Variants in ZSCAN1 observed in about 807,000 individuals in gnomAD.
ZSCAN1 encodes the protein zinc finger and SCAN domain-containing protein 1.
Under a neutral mutation model 23.8 loss-of-function variants are expected in ZSCAN1, and 23 were observed. That is an observed-to-expected ratio of 0.97 (90% confidence interval 0.70 to 1.37). The LOEUF is 1.37. Ranked by LOEUF, ZSCAN1 falls within the 40% of genes most tolerant of loss-of-function variation. The probability of loss-of-function intolerance (pLI) is 0.00; values close to 1 mark genes in which losing one functional copy is unlikely to be tolerated. For synonymous variants in ZSCAN1, 236 were observed against 232.3 expected (o/e 1.02, Z -0.15); for missense variants, 575 against 554.0 (o/e 1.04, Z -0.38).
Position 58,037,937 on chromosome 19 carries a change from C to A in ZSCAN1, c.101C>A (p.Thr34Asn). Residue 34 changes from threonine to asparagine, a missense_variant, in exon 3 of 6, where the codon ACC becomes AAC. Physicochemically the swap from Thr to Asn is moderately conservative, Grantham distance 65. Transcript: ENST00000282326. ...ADPGPASPRD[T>N]EAQRLRFRQF... is the part of the protein sequence containing the mutation. ...CCTGGGCCAGCAAGCCCCAGGGACA[C>A]CGAAGCCCAGCGTCTGCGCTTCCGG... The A allele has an allele frequency of 6.2e-7, 1 of 1,603,032 alleles. No individual in the cohort carries two copies. The highest frequency in any genetic ancestry group is 2.2e-5 in the East Asian group (1 of 44,822).
At chr19:58,041,858 AGAGT>A (rs999813176) in intron 4 of ZSCAN1, among the ~76,000 whole-genome samples, 56 of 152,182 alleles carry the variant, frequency 3.7e-4, no homozygotes, top group African/African-American at 1.3e-3. Context: ...CCTGGATGAC[AGAGT>A]GAGACCCTAA....
At chr19:58,036,199 A>G (rs1053544457) in intron 2 of ZSCAN1, among the ~76,000 whole-genome samples, 188 bp downstream of exon 2, 4 of 152,096 alleles carry the variant, frequency 2.6e-5, no homozygotes, top group African/African-American at 7.2e-5. Context: ...CTCCCATCAC[A>G]TGATGGGGGA....
At position 58,041,574 on chromosome 19, in the gene ZSCAN1, G is replaced by A. The variant is rs541048704; in HGVS notation, c.465+1030G>A. On this transcript the variant is annotated intron_variant, in intron 4 of 5. Transcript: ENST00000282326. ...ACTGGCTTAGTCCGTTCTGGGTGCT[G>A]TAACAAAATACGGCTGGGTGTGGTG... 2.6e-5 allele frequency among the ~76,000 whole-genome samples: 4 copies of A among 152,342 alleles called. No individual in the cohort carries two copies. In the South Asian group the frequency reaches 8.3e-4, roughly 32 times the overall value.
At chr19:58,039,609 A>C (rs2073769942) in intron 3 of ZSCAN1, among the ~76,000 whole-genome samples, 1 of 152,094 alleles carries the variant, frequency 6.6e-6, no homozygotes, top group African/African-American at 2.4e-5. Context: ...TCTACTAAAA[A>C]TACAAAAATT....
chr19:58,041,362 C>T (rs1299598175), intron 4 of ZSCAN1, among the ~76,000 whole-genome samples: 1 of 152,208 alleles, frequency 6.6e-6, no homozygotes, highest in Admixed American at 6.5e-5. Context: ...GTCTAGGTGC[C>T]ACGTGAAGCA....
intron 1 of ZSCAN1, among the ~76,000 whole-genome samples, chr19:58,035,032 C>T (rs1418148577): frequency 6.6e-6 from 1 of 152,010 alleles, no homozygotes; most frequent in East Asian, 2.0e-4. Flanking sequence ...GCTCGGGCTG[C>T]AGATCTCAGT....
chr19:58,037,640 A>G, intron 2 of ZSCAN1, 88 bp from the exon 3 acceptor site: 1 of 609,744 alleles, frequency 1.6e-6, no homozygotes, highest in South Asian at 3.3e-5. Flanking sequence ...GCTGGAGGTC[A>G]GAACAAGGAA....
intron 4 of ZSCAN1, among the ~76,000 whole-genome samples, chr19:58,042,447 A>G (rs1238758440): frequency 6.6e-6 from 1 of 151,800 alleles, no homozygotes; most frequent in Admixed American, 6.6e-5. Flanking sequence ...TTTAGTAGAG[A>G]CGGGGTTTCA....
rs982463347 is a variant in ZSCAN1, at chr19:58,053,312, A to T, written c.605-117A>T. 4 of 1,326,712 alleles carry T rather than the reference A, an allele frequency of 3.0e-6. No individual in the cohort carries two copies. The African/African-American group carries it at 5.9e-5, about 20-fold the overall frequency. The allele number at this position is 1,326,712 out of a possible 1,614,324, so 82.2% of individuals were successfully genotyped here. A position where few individuals can be genotyped will look rare whatever the true frequency, so the allele number is the denominator to read the frequency against. The stretch of plus-strand genomic sequence containing the variant: ...GGAGGACACAGGGGCCGTATTGAGC[A>T]GAGGAAGGGCCTGGACTTGGCTCAG... On this transcript the variant is annotated intron_variant, in intron 5 of 5. Coordinates refer to ENST00000282326, the MANE Select transcript of ZSCAN1 (RefSeq NM_182572.4). The surrounding 1 kb of genome is among the most constrained non-coding windows in gnomAD (Gnocchi z 5.8).
At chr19:58,052,275 G>C (rs1196075777) in intron 4 of ZSCAN1, among the ~76,000 whole-genome samples, 3 of 152,260 alleles carry the variant, frequency 2.0e-5, no homozygotes, top group African/African-American at 7.2e-5. Flanking sequence ...TATAAGCAGA[G>C]TCTTGCTGTG....
At chr19:58,035,184 C>A (rs1342763172) in intron 1 of ZSCAN1, among the ~76,000 whole-genome samples, 1 of 152,074 alleles carries the variant, frequency 6.6e-6, no homozygotes, top group Non-Finnish European at 1.5e-5. Flanking sequence ...CAGCATTGCC[C>A]ATGGGGGGGC....
intron 4 of ZSCAN1, among the ~76,000 whole-genome samples, chr19:58,051,576 T>A (rs1164892495): frequency 4.0e-5 from 6 of 151,296 alleles, no homozygotes; most frequent in Admixed American, 2.6e-4. Context: ...TGCATCCAGG[T>A]AGGGTTGGGG....
Position 58,053,348 on chromosome 19 carries a change from C to T in ZSCAN1, c.605-81C>T. 1 of 1,522,736 alleles carries T rather than the reference C, an allele frequency of 6.6e-7. No individual in the cohort carries two copies. 94.3% of individuals were successfully genotyped at this position (1,522,736 alleles called of 1,614,324 possible). On this transcript the variant is annotated intron_variant, in intron 5 of 5. Coordinates refer to ENST00000282326, the MANE Select transcript of ZSCAN1 (RefSeq NM_182572.4). The surrounding 1 kb of genome is among the most constrained non-coding windows in gnomAD (Gnocchi z 5.8). ...CTGGACTTGGCTCAGTCACTGGGGT[C>T]CTCCGTGCCCCTGGGGAGCACAGGG...
In ZSCAN1 at chr19:58,045,061, G is replaced by A. The variant is rs566468572; in HGVS notation, c.465+4517G>A. Reference sequence around the variant, plus strand: ...GTCCCGGGGGCAGAGAGGGTGCTGGGCGAGCTGAGGCACTACTACCATGGC... The same window carrying A: ...GTCCCGGGGGCAGAGAGGGTGCTGGACGAGCTGAGGCACTACTACCATGGC... On this transcript the variant is annotated intron_variant, in intron 4 of 5. Coordinates refer to ENST00000282326, the MANE Select transcript of ZSCAN1 (RefSeq NM_182572.4). This position sits in a 1 kb window ranked among gnomAD's most constrained non-coding sequence, Gnocchi z 4.3. The A allele has an allele frequency of 5.5e-4, 618 of 1,129,386 alleles. No individual in the cohort carries two copies. Among genetic ancestry groups the A allele is most frequent in the Non-Finnish European group, 7.8e-4 (582 of 742,178 alleles). The allele number at this position is 1,129,386 out of a possible 1,614,324, so 70.0% of individuals were successfully genotyped here. A position where few individuals can be genotyped will look rare whatever the true frequency, so the allele number is the denominator to read the frequency against.
chr19:58,042,692 C>T (rs898178119), intron 4 of ZSCAN1, among the ~76,000 whole-genome samples: 3 of 152,190 alleles, frequency 2.0e-5, no homozygotes, highest in African/African-American at 7.2e-5. Flanking sequence ...CAGCCGCTGC[C>T]GGCAGATGTG....
rs1038382213 is a variant in ZSCAN1 at position 58,040,811 on chromosome 19, C to T, written c.465+267C>T. 6.6e-6 allele frequency among the ~76,000 whole-genome samples: 1 copy of T among 152,224 alleles called. No homozygotes were observed. Among genetic ancestry groups the T allele is most frequent in the South Asian group, 2.1e-4 (1 of 4,832 alleles). ...CCCCTCCTGTCCTTTCCCAGCCTCG[C>T]AGTTAAGACCCATCCTCCTGTGTCA... is the stretch of plus-strand genomic sequence containing the variant. On this transcript the variant is annotated intron_variant, in intron 4 of 5. Coordinates refer to ENST00000282326, the MANE Select transcript of ZSCAN1 (RefSeq NM_182572.4). The surrounding 1 kb of genome is among the most constrained non-coding windows in gnomAD (Gnocchi z 5.8).
intron 5 of ZSCAN1, 134 bp downstream of exon 5, chr19:58,052,762 C>A (rs1344708798): frequency 3.1e-6 from 4 of 1,308,806 alleles, no homozygotes; most frequent in Non-Finnish European, 3.1e-6. Flanking sequence ...AAAGCATGCA[C>A]ACCTCCTGTG....
In ZSCAN1 at chr19:58,045,600, C is replaced by T; in HGVS notation, c.465+5056C>T. 1.9e-6 allele frequency: 2 copies of T among 1,031,290 alleles called. No individual in the cohort carries two copies. The highest frequency in any genetic ancestry group is 3.1e-6 in the Non-Finnish European group (2 of 648,050). 63.9% of individuals were successfully genotyped at this position (1,031,290 alleles called of 1,614,324 possible). A position where few individuals can be genotyped will look rare whatever the true frequency, so the allele number is the denominator to read the frequency against. ...GCTGCTGGAGCTACAGCTTCCTGCG[C>T]TTCCAGCTCACGATGCGGCTGCGCT... is the stretch of plus-strand genomic sequence containing the variant. On this transcript the variant is annotated intron_variant, in intron 4 of 5. Coordinates refer to ENST00000282326, the MANE Select transcript of ZSCAN1 (RefSeq NM_182572.4). This position sits in a 1 kb window ranked among gnomAD's most constrained non-coding sequence, Gnocchi z 4.3.
At chr19:58,035,774 C>T (rs1599897492) in intron 1 of ZSCAN1, among the ~76,000 whole-genome samples, 196 bp from the exon 2 acceptor site, 2 of 152,124 alleles carry the variant, frequency 1.3e-5, no homozygotes, top group Admixed American at 6.5e-5. Flanking sequence ...TTTCTGCCAC[C>T]CTGCACCTCT....
Sources: gnomAD v4.1 joint callset for allele counts (sites outside exome capture counted in the v4.1 genomes callset) on GRCh38, gnomAD v4.1.1 for gene constraint, Gnocchi (gnomAD v3.1) non-coding constraint, MANE v1.5 for transcripts, NCBI Gene and HGNC (gene_info 2026-07-23, HGNC 2026-07-21) for gene names.